The following ASXL2 variants were observed in gnomAD, a reference collection of about 807,000 sequenced individuals.
The protein encoded by ASXL2 is ASXL transcriptional regulator 2, also known as putative Polycomb group protein ASXL2.
Under a neutral mutation model 122.0 loss-of-function variants are expected in ASXL2, and 23 were observed. That is an observed-to-expected ratio of 0.19 (90% CI 0.14 to 0.27). ASXL2 has a LOEUF of 0.27. Among genes scored for constraint, ASXL2 ranks in the 10% least tolerant of loss-of-function variants. The pLI, the probability that ASXL2 is intolerant of heterozygous loss-of-function variation, is 1.00. For synonymous variants in ASXL2, 650 were observed against 637.0 expected, an observed-to-expected ratio of 1.02 and a Z score of -0.31; for missense variants, 1,518 against 1,713.8, an observed-to-expected ratio of 0.89 and a Z score of 2.02.
intron 5 of ASXL2, among the ~76,000 whole-genome samples, chr2:25,790,803 T>C (rs923067870): frequency 1.1e-4 from 16 of 139,384 alleles, no homozygotes; most frequent in African/African-American, 4.6e-4. Context: ...TTTTTGTCTT[T>C]TTTTTTTTTT....
intron 5 of ASXL2, among the ~76,000 whole-genome samples, chr2:25,781,521 TTTTATTTACATCTA>T (rs1662448211): frequency 6.6e-6 from 1 of 152,078 alleles, no homozygotes; most frequent in South Asian, 2.1e-4. Flanking sequence ...TACATATTAA[TTTTATTTACATCTA>T]TTTATTTACA....
chr2:25,878,314 C>T lies in ASXL2; in HGVS notation c.-92G>A. On this transcript the variant is annotated 5_prime_UTR_variant, in exon 1 of 13. Transcript: ENST00000435504. ...CCCTGCGCTGCTTTTCCCGCGGTGC[C>T]GGGAAAGGTGGGAGAAAAGGGAAGT... 1 of 1,367,968 alleles carries T rather than the reference C, an allele frequency of 7.3e-7. No homozygotes were observed. The allele number at this position is 1,367,968 out of a possible 1,614,324, so 84.7% of individuals were successfully genotyped here.
intron 1 of ASXL2, among the ~76,000 whole-genome samples, chr2:25,868,400 G>C (rs1440635258): frequency 6.6e-6 from 1 of 152,242 alleles, no homozygotes; most frequent in Non-Finnish European, 1.5e-5. Context: ...CAAATGAAAA[G>C]TCTCTCACAA....
At chr2:25,781,539 A>G (rs980556900) in intron 5 of ASXL2, among the ~76,000 whole-genome samples, 1 of 144,588 alleles carries the variant, frequency 6.9e-6, no homozygotes, top group Non-Finnish European at 1.5e-5. Context: ...ACATCTATTT[A>G]TTTACAATCT....
At chr2:25,789,264 A>G (rs1248802837) in intron 5 of ASXL2, among the ~76,000 whole-genome samples, 3 of 151,988 alleles carry the variant, frequency 2.0e-5, no homozygotes, top group South Asian at 4.1e-4. Flanking sequence ...CACTCTATAT[A>G]GTTTTAAGAA....
At chr2:25,839,289 CT>C (rs900612523) in intron 2 of ASXL2, among the ~76,000 whole-genome samples, 2 of 152,086 alleles carry the variant, frequency 1.3e-5, no homozygotes, top group African/African-American at 4.8e-5. Context: ...CAACAAAATT[CT>C]TTTTACTATT....
At chr2:25,877,954 C>T (rs1389543750) in intron 1 of ASXL2, among the ~76,000 whole-genome samples, 1 of 152,190 alleles carries the variant, frequency 6.6e-6, no homozygotes, top group Non-Finnish European at 1.5e-5. Context: ...CCGCAGACGC[C>T]GAGGGACGCC....
chr2:25,854,503 A>C (rs1007777590), intron 1 of ASXL2, among the ~76,000 whole-genome samples: 1 of 152,240 alleles, frequency 6.6e-6, no homozygotes, highest in African/African-American at 2.4e-5. Flanking sequence ...ACTTGTCATC[A>C]GCAGAATCCA....
At chr2:25,767,542 A>G (rs1352704988) in intron 8 of ASXL2, 41 bp downstream of exon 8, 3 of 1,593,426 alleles carry the variant, frequency 1.9e-6, no homozygotes, top group South Asian at 2.3e-5. Flanking sequence ...TAGCTGATAA[A>G]TCATGGCAAT....
chr2:25,750,015 T>C lies in ASXL2; in HGVS notation c.1541A>G (p.Lys514Arg), dbSNP rs898133187. 7 of 1,613,884 alleles carry C rather than the reference T, an allele frequency of 4.3e-6. No homozygotes were observed. The highest frequency in any genetic ancestry group is 1.3e-5 in the African/African-American group (1 of 74,916). Reference sequence around the variant, plus strand: ...AACTAAAGATTCTTGGCTTTCACTTTTGTTATAATTAGAAGCTGTGGTGAG... The same window carrying C: ...AACTAAAGATTCTTGGCTTTCACTTCTGTTATAATTAGAAGCTGTGGTGAG... ...NHLTTASNYN[K>R]SESQESLVTS... Residue 514 changes from lysine (K) to arginine (R), a missense_variant, in exon 12 of 13, where the codon AAA (lysine) becomes AGA (arginine). Physicochemically the swap from Lys to Arg is conservative, Grantham distance 26. Around this residue, in one of 8 missense-constraint regions of ASXL2, gnomAD observed 292 missense variants for 293.5 expected, o/e 1.00. Transcript: ENST00000435504.
chr2:25,816,138 C>T (rs1559519367), intron 3 of ASXL2, among the ~76,000 whole-genome samples: 1 of 151,544 alleles, frequency 6.6e-6, no homozygotes, highest in Non-Finnish European at 1.5e-5. Context: ...AATCCCAGCA[C>T]TTTGGAAGAC....
chr2:25,833,147 T>C (rs2089473469), intron 3 of ASXL2, among the ~76,000 whole-genome samples: 2 of 152,114 alleles, frequency 1.3e-5, no homozygotes, highest in Admixed American at 6.5e-5. Flanking sequence ...TAAAACCACA[T>C]AGCACCCTAT....
chr2:25,804,218 C>T (rs2089045467), intron 4 of ASXL2, among the ~76,000 whole-genome samples: 1 of 152,202 alleles, frequency 6.6e-6, no homozygotes, highest in East Asian at 1.9e-4. Context: ...GTGATGACTG[C>T]AGCTCAAAGC....
chr2:25,801,511 A>C (rs2088996026), intron 4 of ASXL2, among the ~76,000 whole-genome samples: 1 of 152,172 alleles, frequency 6.6e-6, no homozygotes, highest in Admixed American at 6.5e-5. Flanking sequence ...TACACACCCT[A>C]TATTTTTCTA....
At chr2:25,791,514 CA>C (rs2088834062) in intron 5 of ASXL2, among the ~76,000 whole-genome samples, 2 of 149,792 alleles carry the variant, frequency 1.3e-5, no homozygotes, top group African/African-American at 4.9e-5. Flanking sequence ...GAACTTTGTA[CA>C]ACAAATATCT....
chr2:25,836,072 G>C lies in ASXL2; in HGVS notation c.141-532C>G, dbSNP rs189393151. Reference sequence around the variant, plus strand: ...TAATCCTTCTTGACATCCCTACCAGGTTTGTGGGCTTGAAAGCAGATTGCA... The same window carrying C: ...TAATCCTTCTTGACATCCCTACCAGCTTTGTGGGCTTGAAAGCAGATTGCA... On this transcript the variant is annotated intron_variant, in intron 2 of 12. Coordinates refer to ENST00000435504, the MANE Select transcript of ASXL2 (RefSeq NM_018263.6). Among the ~76,000 whole-genome samples the C allele has an allele frequency of 1.9e-3, 294 of 152,194 alleles. 1 individual carries two copies. Among genetic ancestry groups the C allele is most frequent in the African/African-American group, 6.9e-3 (286 of 41,528 alleles).
chr2:25,842,703 T>G (rs143253083), intron 2 of ASXL2, among the ~76,000 whole-genome samples: 39 of 150,270 alleles, frequency 2.6e-4, no homozygotes, highest in Middle Eastern at 3.4e-3. Flanking sequence ...TATATATATA[T>G]ATAGATAGAT....
At chr2:25,868,701 A>AT (rs1334817615) in intron 1 of ASXL2, among the ~76,000 whole-genome samples, 2 of 152,218 alleles carry the variant, frequency 1.3e-5, no homozygotes, top group African/African-American at 4.8e-5. Flanking sequence ...TACTTAATAT[A>AT]TTTGACTAGC....
intron 9 of ASXL2, among the ~76,000 whole-genome samples, chr2:25,758,079 C>T (rs993017328): frequency 6.6e-6 from 1 of 152,080 alleles, no homozygotes; most frequent in Non-Finnish European, 1.5e-5. Flanking sequence ...CAAGAAGGAC[C>T]GGTTTTACTT....
Sources: gnomAD v4.1 joint callset for allele counts (sites outside exome capture counted in the v4.1 genomes callset) on GRCh38, gnomAD v4.1.1 for gene constraint, gnomAD v4.1.1 regional missense constraint, MANE v1.5 for transcripts, NCBI Gene and HGNC (gene_info 2026-07-23, HGNC 2026-07-21) for gene names.